Variants in SUSD3 observed in about 807,000 individuals in gnomAD.
SUSD3 encodes sushi domain-containing protein 3.
In SUSD3, 18 loss-of-function variants were observed where a neutral mutation model predicts 20.6. The ratio of observed to expected loss-of-function variants is 0.87; its 90% confidence interval spans 0.60 to 1.30. The LOEUF (loss-of-function observed/expected upper bound fraction) is 1.30, where lower values mean the gene tolerates loss of function less well. Ranked by LOEUF, SUSD3 falls within the 50% of genes most tolerant of loss-of-function variation. SUSD3 has a pLI of 0.00. For synonymous variants in SUSD3, 137 were observed against 141.5 expected (o/e 0.97, Z 0.23); for missense variants, 306 against 346.9 (o/e 0.88, Z 0.94).
intron 4 of SUSD3, among the ~76,000 whole-genome samples, chr9:93,083,941 G>A (rs1188923781): frequency 6.6e-6 from 1 of 151,670 alleles, no homozygotes; most frequent in Admixed American, 6.5e-5. Flanking sequence ...GGTGGGAGCC[G>A]CCAGGCAGCC....
intron 1 of SUSD3, 48 bp from the exon 2 acceptor site, chr9:93,075,736 G>GCCTCCCCCCCC: frequency 3.7e-6 from 1 of 272,216 alleles, no homozygotes; most frequent in South Asian, 2.9e-5. Context: ...TGCCCTGCGT[G>GCCTCCCCCCCC]CCCACCCCCC....
Position 93,068,939 on chromosome 9 carries a change from T to C in SUSD3, c.89-6845T>C, listed in dbSNP as rs77244695. ...TTTATAAATTGAACAGAGTGAAAGA[T>C]TAATGATAACCAGTAATAAGTTATA... On this transcript the variant is annotated intron_variant, in intron 1 of 4. Transcript: ENST00000375472. Among the ~76,000 whole-genome samples the C allele has an allele frequency of 3.4e-3, 518 of 152,302 alleles. 2 individuals are homozygous for C. Among genetic ancestry groups the C allele is most frequent in the African/African-American group, 0.011 (476 of 41,558 alleles).
At chr9:93,077,821 G>A in intron 2 of SUSD3, 25 bp from the exon 3 acceptor site, 1 of 1,613,550 alleles carries the variant, frequency 6.2e-7, no homozygotes, top group Non-Finnish European at 8.5e-7. Context: ...CCTCGCCCAG[G>A]AGCTGGTGGT....
intron 1 of SUSD3, among the ~76,000 whole-genome samples, chr9:93,070,444 C>T (rs961497329): frequency 1.3e-5 from 2 of 152,200 alleles, no homozygotes; most frequent in Admixed American, 6.5e-5. Flanking sequence ...GCTGGCCTTC[C>T]CCAGATACTG....
Position 93,077,555 on chromosome 9 carries a change from T to A in SUSD3, c.278-291T>A, listed in dbSNP as rs114745481. Among the ~76,000 whole-genome samples the A allele has an allele frequency of 1.5e-3, 231 of 152,200 alleles. 1 individual carries two copies. The highest frequency in any genetic ancestry group is 5.2e-3 in the African/African-American group (217 of 41,512). The stretch of plus-strand genomic sequence containing the variant: ...CACACCCTGGAAAACCCTGCTTAAA[T>A]ACCCCCTTTAAATAGCCACTCTGCA... On this transcript the variant is annotated intron_variant, in intron 2 of 4. Coordinates refer to ENST00000375472, the MANE Select transcript of SUSD3 (RefSeq NM_145006.4).
At chr9:93,061,191 C>T (rs1220629297) in intron 1 of SUSD3, among the ~76,000 whole-genome samples, 1 of 152,234 alleles carries the variant, frequency 6.6e-6, no homozygotes, top group Non-Finnish European at 1.5e-5. Flanking sequence ...GTGGAAGGGC[C>T]TTGGAGGAAG....
intron 4 of SUSD3, among the ~76,000 whole-genome samples, chr9:93,082,279 C>G (rs986034938): frequency 6.1e-5 from 9 of 146,610 alleles, no homozygotes; most frequent in Non-Finnish European, 7.5e-5. Flanking sequence ...CCTGACCCAT[C>G]AATTGGCTGT....
intron 1 of SUSD3, among the ~76,000 whole-genome samples, chr9:93,062,874 C>T (rs11794770): frequency 0.016 from 2,505 of 152,276 alleles, 32 homozygotes; most frequent in Non-Finnish European, 0.026. Flanking sequence ...GACCATAGCT[C>T]CTGGCACTGT....
chr9:93,078,415 C>T (rs1425572597), intron 3 of SUSD3, among the ~76,000 whole-genome samples: 2 of 152,122 alleles, frequency 1.3e-5, no homozygotes, highest in Non-Finnish European at 2.9e-5. Flanking sequence ...TGTACCACCA[C>T]ACTCGGCTAA....
intron 3 of SUSD3, among the ~76,000 whole-genome samples, 162 bp downstream of exon 3, chr9:93,078,155 C>T (rs1287497073): frequency 6.6e-6 from 1 of 152,248 alleles, no homozygotes; most frequent in Non-Finnish European, 1.5e-5. Flanking sequence ...AAGTGCTGCT[C>T]CCGGCCCACG....
At chr9:93,075,753 C>CCCCCCCCCCA in intron 1 of SUSD3, 31 bp from the exon 2 acceptor site, 1 of 334,096 alleles carries the variant, frequency 3.0e-6, no homozygotes, top group Non-Finnish European at 5.2e-6. Flanking sequence ...CCCCCCCCCC[C>CCCCCCCCCCA]GCCATGCCTC....
chr9:93,074,172 T>C (rs1303847959), intron 1 of SUSD3, among the ~76,000 whole-genome samples: 3 of 151,984 alleles, frequency 2.0e-5, no homozygotes, highest in East Asian at 1.9e-4. Context: ...TGGCCGGGTG[T>C]GGTGGCTCAC....
rs562177296 is a variant in SUSD3 at position 93,079,937 on chromosome 9, C to T, written c.557+335C>T. ...AGCTGCAGTCACTTGCTCTCCCTCC[C>T]GTGCTCTGTCCCTCTCCTTTCTCTC... On this transcript the variant is annotated intron_variant, in intron 4 of 4. Transcript: ENST00000375472. Among the ~76,000 whole-genome samples, 5 of 152,322 alleles carry T rather than the reference C, an allele frequency of 3.3e-5. No individual in the cohort carries two copies. The South Asian group carries it at 8.3e-4, about 25-fold the overall frequency.
chr9:93,064,714 A>G (rs549982054), intron 1 of SUSD3, among the ~76,000 whole-genome samples: 209 of 152,198 alleles, frequency 1.4e-3, no homozygotes, highest in Non-Finnish European at 1.9e-3. Flanking sequence ...CTTCTAAAAC[A>G]CACTTAGAGG....
intron 1 of SUSD3, among the ~76,000 whole-genome samples, chr9:93,069,488 T>A (rs1825835149): frequency 6.6e-6 from 1 of 152,276 alleles, no homozygotes; most frequent in Non-Finnish European, 1.5e-5. Flanking sequence ...ATTTAGGTCT[T>A]TAATTTCTTT....
chr9:93,081,225 G>T (rs1378640040), intron 4 of SUSD3, among the ~76,000 whole-genome samples: 1 of 152,140 alleles, frequency 6.6e-6, no homozygotes, highest in Non-Finnish European at 1.5e-5. Flanking sequence ...CCATCTCTGC[G>T]GTTGGCCACT....
intron 1 of SUSD3, among the ~76,000 whole-genome samples, chr9:93,069,370 T>G (rs1825830193): frequency 6.6e-6 from 1 of 152,196 alleles, no homozygotes; most frequent in South Asian, 2.1e-4. Flanking sequence ...CACCGGTAAC[T>G]GAAACCATGG....
At chr9:93,069,466 GT>G (rs1472934576) in intron 1 of SUSD3, among the ~76,000 whole-genome samples, 2 of 152,170 alleles carry the variant, frequency 1.3e-5, no homozygotes, top group African/African-American at 4.8e-5. Flanking sequence ...AGCATAGGAT[GT>G]TTTCCCATTT....
In SUSD3 at chr9:93,075,751, C is replaced by T. The variant is rs768949349; in HGVS notation, c.89-33C>T. 9 of 248,658 alleles carry T rather than the reference C, an allele frequency of 3.6e-5. 1 individual carries two copies. Among genetic ancestry groups the T allele is most frequent in the African/African-American group, 1.1e-4 (4 of 35,764 alleles). The allele number at this position is 248,658 out of a possible 1,614,324, so 15.4% of individuals were successfully genotyped here. On this transcript the variant is annotated intron_variant, in intron 1 of 4. Transcript: ENST00000375472. ...TGCCCTGCGTGCCCACCCCCCCCCC[C>T]CCGCCATGCCTCATACCTGCCTGTC...
Sources: allele counts gnomAD v4.1 joint callset (sites outside exome capture counted in the v4.1 genomes callset), GRCh38; gene constraint gnomAD v4.1.1; transcripts MANE v1.5; gene names NCBI Gene and HGNC (gene_info 2026-07-23, HGNC 2026-07-21).